ANTXR2: variants seen among roughly 807,000 people sequenced by gnomAD.
ANTXR2 encodes anthrax toxin receptor 2.
Under a neutral mutation model 73.7 loss-of-function variants are expected in ANTXR2, and 44 were observed. The observed-to-expected ratio is 0.60, with a 90% CI of 0.47 to 0.77. The LOEUF is 0.77. Among genes scored for constraint, ANTXR2 ranks in the 30% least tolerant of loss-of-function variants. The pLI is 0.00. For synonymous variants in ANTXR2, 217 were observed against 205.9 expected, an observed-to-expected ratio of 1.05 and a Z score of -0.46; for missense variants, 604 against 592.5, an observed-to-expected ratio of 1.02 and a Z score of -0.20.
At chr4:79,946,940 C>T (rs558646717) in intron 16 of ANTXR2, among the ~76,000 whole-genome samples, 2 of 152,214 alleles carry the variant, frequency 1.3e-5, no homozygotes, top group East Asian at 1.9e-4. Flanking sequence ...GGAAACCATG[C>T]TTTATCTTTT....
rs1248176780 is a variant in ANTXR2 at position 80,035,958 on chromosome 4, T to C, written c.697+14A>G. ...CAATTTCTTACATGGTATTTTTAAA[T>C]TCTAAACACTTACCCCCCACACAGA... On this transcript the variant is annotated intron_variant, in intron 8 of 16. Transcript: ENST00000403729. 2.6e-6 allele frequency: 4 copies of C among 1,531,444 alleles called. No individual in the cohort carries two copies. Among genetic ancestry groups the C allele is most frequent in the Non-Finnish European group, 1.8e-6 (2 of 1,136,286 alleles). 94.9% of individuals were successfully genotyped at this position (1,531,444 alleles called of 1,614,324 possible).
intron 12 of ANTXR2, among the ~76,000 whole-genome samples, chr4:79,992,110 T>C (rs1328508882): frequency 1.3e-5 from 2 of 151,926 alleles, no homozygotes; most frequent in Non-Finnish European, 2.9e-5. Context: ...GAACCTAAAA[T>C]AAAAATTGAA....
intron 16 of ANTXR2, among the ~76,000 whole-genome samples, chr4:79,910,647 G>T (rs1347080819): frequency 6.6e-6 from 1 of 151,984 alleles, no homozygotes; most frequent in African/African-American, 2.4e-5. Flanking sequence ...TCTTACTTAG[G>T]AACAAGTGAA....
chr4:80,035,553 C>T (rs528030110), intron 8 of ANTXR2, among the ~76,000 whole-genome samples: 3 of 152,232 alleles, frequency 2.0e-5, no homozygotes, highest in Non-Finnish European at 2.9e-5. Context: ...TCCTGCAATC[C>T]GTCCATAAGT....
chr4:80,024,786 C>G (rs1229343904), intron 10 of ANTXR2: 2 of 381,658 alleles, frequency 5.2e-6, no homozygotes, highest in Non-Finnish European at 1.0e-5. Flanking sequence ...AGTTAAGAGA[C>G]TGTAAAAACA....
chr4:79,923,044 C>A (rs1482593967), intron 16 of ANTXR2, among the ~76,000 whole-genome samples: 1 of 151,974 alleles, frequency 6.6e-6, no homozygotes. Context: ...TTTTCACTAT[C>A]ATTTAACAAG....
intron 16 of ANTXR2, among the ~76,000 whole-genome samples, chr4:79,946,271 G>A (rs1728509110): frequency 6.6e-6 from 1 of 152,152 alleles, no homozygotes; most frequent in Non-Finnish European, 1.5e-5. Context: ...TACTAAGTTA[G>A]GTCGTGTGCC....
Position 79,906,025 on chromosome 4 carries a change from C to G in ANTXR2, c.*1404G>C, listed in dbSNP as rs1038277661. On this transcript the variant is annotated 3_prime_UTR_variant, in exon 17 of 17. Transcript: ENST00000403729. ...AGGCGCACTTTGTCAGGTTTCCACT[C>G]GAATATCCATTTCGCATCTGAAGTA... 6.6e-6 allele frequency: 1 copy of G among 152,604 alleles called. No homozygotes were observed. Among genetic ancestry groups the G allele is most frequent in the African/African-American group, 2.4e-5 (1 of 41,450 alleles). 9.5% of individuals were successfully genotyped at this position (152,604 alleles called of 1,614,324 possible). A position where few individuals can be genotyped will look rare whatever the true frequency, so the allele number is the denominator to read the frequency against.
At chr4:80,035,539 T>C (rs1732912285) in intron 8 of ANTXR2, among the ~76,000 whole-genome samples, 1 of 152,136 alleles carries the variant, frequency 6.6e-6, no homozygotes, top group Non-Finnish European at 1.5e-5. Context: ...GCCACCTGCT[T>C]CCTTCCTGCA....
chr4:79,964,983 A>C (rs1230034726), intron 16 of ANTXR2: 3 of 152,184 alleles, frequency 2.0e-5, no homozygotes. Flanking sequence ...CGAGCGGGAG[A>C]CTGCTCGCCC....
In ANTXR2 at chr4:80,054,317, GA is replaced by G; in HGVS notation, c.590del (p.Phe197SerfsTer13). ...GAGCCTGAAATCCACCTTTGACAGG[GA>G]AAACTTGCTCCTTGGAATCAGCAAT... ...ERIADSKEQVFPVKGGFQALK... is the reference protein window; with the variant it reads ...ERIADSKEQVXPVKGGFQALK... On this transcript the variant is annotated frameshift_variant, in exon 7 of 17. Transcript: ENST00000403729. LOFTEE classifies it high-confidence loss of function. The G allele has an allele frequency of 6.3e-7, 1 of 1,593,988 alleles. No individual in the cohort carries two copies. The highest frequency in any genetic ancestry group is 1.8e-5 in the Admixed American group (1 of 57,026).
chr4:79,921,467 T>A (rs1258812302), intron 16 of ANTXR2, among the ~76,000 whole-genome samples: 9 of 152,050 alleles, frequency 5.9e-5, no homozygotes. Flanking sequence ...CTGTCTCTAC[T>A]TAAAAATGTC....
chr4:79,922,423 A>C (rs1189129733), intron 16 of ANTXR2, among the ~76,000 whole-genome samples: 2 of 152,116 alleles, frequency 1.3e-5, no homozygotes, highest in African/African-American at 2.4e-5. Context: ...ATGTTAACTA[A>C]CATGAGTAAG....
chr4:80,065,221 T>G (rs1734440024), intron 3 of ANTXR2, among the ~76,000 whole-genome samples: 1 of 152,178 alleles, frequency 6.6e-6, no homozygotes, highest in African/African-American at 2.4e-5. Context: ...TATCCCCAAT[T>G]ATGCAAAATA....
At chr4:79,931,912 ATTCT>A (rs1302898865) in intron 16 of ANTXR2, among the ~76,000 whole-genome samples, 5 of 152,308 alleles carry the variant, frequency 3.3e-5, no homozygotes, top group African/African-American at 9.6e-5. Flanking sequence ...CTGCCCAACC[ATTCT>A]TTATTTCCTT....
chr4:80,002,307 G>A (rs766151316), intron 12 of ANTXR2, among the ~76,000 whole-genome samples: 11 of 152,200 alleles, frequency 7.2e-5, no homozygotes, highest in Non-Finnish European at 1.0e-4. Flanking sequence ...CAAGCAATGG[G>A]GAAAGGATTC....
chr4:80,048,830 C>T (rs1313279104), intron 7 of ANTXR2, among the ~76,000 whole-genome samples: 1 of 151,610 alleles, frequency 6.6e-6, no homozygotes, highest in African/African-American at 2.4e-5. Context: ...AAATTCCACT[C>T]CAAAAGTGAA....
intron 16 of ANTXR2, among the ~76,000 whole-genome samples, chr4:79,927,070 T>TAC (rs1327766882): frequency 6.6e-6 from 1 of 150,460 alleles, no homozygotes; most frequent in Admixed American, 6.7e-5. Context: ...TGTATATATA[T>TAC]ATATATATGA....
chr4:80,019,685 A>C (rs1467377922), intron 10 of ANTXR2, among the ~76,000 whole-genome samples: 1 of 152,218 alleles, frequency 6.6e-6, no homozygotes, highest in Non-Finnish European at 1.5e-5. Context: ...ATATAAAGAA[A>C]GTGAATATGA....
Sources: allele counts gnomAD v4.1 joint callset (sites outside exome capture counted in the v4.1 genomes callset), GRCh38; gene constraint gnomAD v4.1.1; transcripts MANE v1.5; gene names NCBI Gene and HGNC (gene_info 2026-07-23, HGNC 2026-07-21).